Variants in RAP1GAP2 observed in about 807,000 individuals in gnomAD.
RAP1GAP2 encodes rap1 GTPase-activating protein 2.
A neutral mutation model predicts 95.0 loss-of-function variants in RAP1GAP2; 27 were observed. The observed-to-expected ratio is 0.28, with a 90% confidence interval of 0.21 to 0.39. RAP1GAP2 has a LOEUF of 0.39. Ranked by LOEUF, RAP1GAP2 falls within the 10% of genes least tolerant of loss-of-function variation. RAP1GAP2 has a pLI of 1.00. For synonymous variants in RAP1GAP2, 373 were observed against 380.9 expected (o/e 0.98, Z 0.24); for missense variants, 771 against 970.0 (o/e 0.79, Z 2.72).
At chr17:2,847,573 G>C (rs987200501) in intron 2 of RAP1GAP2, among the ~76,000 whole-genome samples, 1 of 152,164 alleles carries the variant, frequency 6.6e-6, no homozygotes, top group African/African-American at 2.4e-5. Context: ...AAACAGAATA[G>C]GGTTTTGGAG....
intron 1 of RAP1GAP2, among the ~76,000 whole-genome samples, chr17:2,783,766 C>G (rs968948408): frequency 6.6e-6 from 1 of 152,200 alleles, no homozygotes; most frequent in Non-Finnish European, 1.5e-5. Flanking sequence ...GTTTCAAGGT[C>G]TAGGGGCTGA....
chr17:2,815,002 G>A (rs1479709249), intron 2 of RAP1GAP2, among the ~76,000 whole-genome samples: 2 of 152,246 alleles, frequency 1.3e-5, no homozygotes, highest in African/African-American at 2.4e-5. Context: ...GTTCAACCCT[G>A]TCAGGCAGCT....
chr17:3,008,497 G>A lies in RAP1GAP2; in HGVS notation c.1494+352G>A, dbSNP rs561259618. Among the ~76,000 whole-genome samples the A allele has an allele frequency of 8.1e-4, 123 of 152,320 alleles. 3 individuals carry two copies. In the South Asian group the frequency reaches 8.7e-3, roughly 11 times the overall value. On this transcript the variant is annotated intron_variant, in intron 17 of 24. Coordinates refer to ENST00000254695, the MANE Select transcript of RAP1GAP2 (RefSeq NM_015085.5). This position sits in a 1 kb window ranked among gnomAD's most constrained non-coding sequence, Gnocchi z 4.2. ...CACCTGCCTCCTCCTGGGTTGGGGA[G>A]CCCAGGGCAGAATGGCAGGAGCGAG...
In RAP1GAP2 at chr17:2,897,501, C is replaced by G. The variant is rs144374299; in HGVS notation, c.81-7783C>G. On this transcript the variant is annotated intron_variant, in intron 2 of 24. Transcript: ENST00000254695. The stretch of plus-strand genomic sequence containing the variant: ...TCTTGGCTCACTGCAACCTCTGCCT[C>G]CTGGGATCAAGCAATTTCTGGCTAA... Among the ~76,000 whole-genome samples the G allele has an allele frequency of 5.4e-3, 816 of 151,840 alleles. 7 individuals carry two copies. The highest frequency in any genetic ancestry group is 0.019 in the African/African-American group (787 of 41,446).
intron 3 of RAP1GAP2, among the ~76,000 whole-genome samples, chr17:2,931,190 G>A (rs558474358): frequency 6.6e-6 from 1 of 152,104 alleles, no homozygotes; most frequent in Non-Finnish European, 1.5e-5. Context: ...TGGCAGGAGG[G>A]TGTGTGCAGC....
At chr17:2,884,278 C>T (rs2073404855) in intron 2 of RAP1GAP2, among the ~76,000 whole-genome samples, 2 of 151,870 alleles carry the variant, frequency 1.3e-5, no homozygotes, top group Admixed American at 1.3e-4. Flanking sequence ...GTGGCCCTTT[C>T]ATTCATTCTT....
Position 2,993,800 on chromosome 17 carries a change from C to T in RAP1GAP2, c.915-1537C>T, listed in dbSNP as rs1017731805. ...CTGTAAGCCCAGCACTTTGGGAGGC[C>T]GAGGCGGGTGGATCGCTTGAGCCCA... On this transcript the variant is annotated intron_variant, in intron 12 of 24. Coordinates refer to ENST00000254695, the MANE Select transcript of RAP1GAP2 (RefSeq NM_015085.5). Among the ~76,000 whole-genome samples, 8 of 151,814 alleles carry T rather than the reference C, an allele frequency of 5.3e-5. No individual in the cohort carries two copies. The East Asian group carries it at 1.2e-3, about 22-fold the overall frequency.
chr17:2,841,327 G>A (rs1281087459), intron 2 of RAP1GAP2, among the ~76,000 whole-genome samples: 12 of 122,568 alleles, frequency 9.8e-5, no homozygotes, highest in Non-Finnish European at 1.6e-4. Flanking sequence ...TTTTTGAGAC[G>A]GAGTCTTGCT....
chr17:2,882,214 C>T (rs1326214700), intron 2 of RAP1GAP2, among the ~76,000 whole-genome samples: 20 of 150,112 alleles, frequency 1.3e-4, no homozygotes, highest in African/African-American at 3.9e-4. Flanking sequence ...GCAGCCTCCA[C>T]CTCCTGGGTT....
In RAP1GAP2 at chr17:2,827,045, A is replaced by G. The variant is rs552392539; in HGVS notation, c.80+26495A>G. On this transcript the variant is annotated intron_variant, in intron 2 of 24. Transcript: ENST00000254695. The surrounding 1 kb of genome is among the most constrained non-coding windows in gnomAD (Gnocchi z 4.1). ...GAGAAAGAAAGAAAGAGAGAGAGAA[A>G]GAAAGAAAGAGAAAGTCCCATGGAA... Among the ~76,000 whole-genome samples, 31 of 152,242 alleles carry G rather than the reference A, an allele frequency of 2.0e-4. No homozygotes were observed. Among genetic ancestry groups the G allele is most frequent in the Non-Finnish European group, 7.4e-5 (5 of 68,000 alleles).
intron 2 of RAP1GAP2, among the ~76,000 whole-genome samples, chr17:2,853,567 T>G (rs1213743832): frequency 4.2e-5 from 6 of 141,854 alleles, no homozygotes; most frequent in South Asian, 4.6e-4. Context: ...GGCAGGGGGG[T>G]CCCGGGAGCG....
chr17:2,806,376 T>TTTATTATTAATTATTA (rs2069516096), intron 2 of RAP1GAP2, among the ~76,000 whole-genome samples: 1 of 139,942 alleles, frequency 7.1e-6, no homozygotes, highest in Admixed American at 7.3e-5. Context: ...CTACAACCTT[T>TTTATTATTAATTATTA]TTATTATTAT....
At chr17:2,955,970 T>A (rs771712845) in intron 3 of RAP1GAP2, among the ~76,000 whole-genome samples, 4 of 152,232 alleles carry the variant, frequency 2.6e-5, no homozygotes, top group Non-Finnish European at 5.9e-5. Context: ...TGCAAGTGTG[T>A]TAGAGGATGG....
At chr17:2,971,551 A>G (rs1191042034) in intron 8 of RAP1GAP2, among the ~76,000 whole-genome samples, 2 of 152,208 alleles carry the variant, frequency 1.3e-5, no homozygotes. Flanking sequence ...CCTGAACAAT[A>G]GAATGGACCT....
intron 18 of RAP1GAP2, 44 bp from the exon 19 acceptor site, chr17:3,020,433 G>A (rs758999215): frequency 1.6e-5 from 24 of 1,489,626 alleles, no homozygotes; most frequent in South Asian, 2.3e-5. Context: ...ATAGGAGATC[G>A]GTGTTTGGGC....
chr17:2,962,618 C>A, intron 4 of RAP1GAP2, 52 bp from the exon 5 acceptor site: 2 of 1,527,616 alleles, frequency 1.3e-6, no homozygotes, highest in Non-Finnish European at 8.9e-7. Flanking sequence ...TTATCTGGCC[C>A]TGTCTTCTGA....
intron 2 of RAP1GAP2, among the ~76,000 whole-genome samples, chr17:2,841,443 A>G (rs2071369163): frequency 1.3e-5 from 2 of 151,138 alleles, no homozygotes; most frequent in South Asian, 4.2e-4. Context: ...AGCTGGGACT[A>G]CAGGCGCCCG....
At chr17:2,758,545 AGAAGGTCCT>A (rs2071190801) in intron 1 of RAP1GAP2, among the ~76,000 whole-genome samples, 1 of 152,050 alleles carries the variant, frequency 6.6e-6, no homozygotes, top group Non-Finnish European at 1.5e-5. Flanking sequence ...CATCTTTCTG[AGAAGGTCCT>A]GAAGATGTGA....
chr17:2,858,918 T>TA (rs530999484), intron 2 of RAP1GAP2, among the ~76,000 whole-genome samples: 109 of 152,056 alleles, frequency 7.2e-4, no homozygotes, highest in African/African-American at 2.1e-3. Flanking sequence ...TAAGAATTCT[T>TA]AAAAAAACCC....
Sources: allele counts gnomAD v4.1 joint callset (sites outside exome capture counted in the v4.1 genomes callset), GRCh38; gene constraint gnomAD v4.1.1; non-coding constraint Gnocchi (gnomAD v3.1); transcripts MANE v1.5; gene names NCBI Gene and HGNC (gene_info 2026-07-23, HGNC 2026-07-21).